The following ANO6 variants were observed in gnomAD, a reference collection of about 807,000 sequenced individuals.
ANO6 encodes anoctamin 6.
ANO6 carries 106 observed loss-of-function variants against 117.5 expected under a neutral mutation model. The ratio of observed to expected loss-of-function variants is 0.90; its 90% CI spans 0.77 to 1.06. ANO6 has a LOEUF of 1.06. Among genes scored for constraint, ANO6 ranks in the 50% least tolerant of loss-of-function variants. The probability of loss-of-function intolerance (pLI) is 0.00; values close to 1 mark genes in which losing one functional copy is unlikely to be tolerated. For synonymous variants in ANO6, 367 were observed against 385.1 expected, an observed-to-expected ratio of 0.95 and a Z score of 0.55; for missense variants, 955 against 1,121.1, an observed-to-expected ratio of 0.85 and a Z score of 2.12.
intron 2 of ANO6, among the ~76,000 whole-genome samples, chr12:45,308,610 C>T (rs1235028114): frequency 4.6e-5 from 7 of 152,176 alleles, no homozygotes; most frequent in Middle Eastern, 6.8e-3. Context: ...GTGTGTTTTT[C>T]CCATTCAAAT....
At chr12:45,242,494 T>C (rs1947761274) in intron 1 of ANO6, among the ~76,000 whole-genome samples, 1 of 152,198 alleles carries the variant, frequency 6.6e-6, no homozygotes, top group Non-Finnish European at 1.5e-5. Context: ...TTCCCTCGAC[T>C]AGGAAAGGGA....
At position 45,403,073 on chromosome 12, in the gene ANO6, A is replaced by T; in HGVS notation, c.1614A>T (p.Glu538Asp). 1 of 1,613,656 alleles carries T rather than the reference A, an allele frequency of 6.2e-7. No homozygotes were observed. Among genetic ancestry groups the T allele is most frequent in the Non-Finnish European group, 8.5e-7 (1 of 1,179,828 alleles). The change falls in exon 14 of 20, where the codon GAA (glutamate) becomes GAT (aspartate). Residue 538 changes from glutamate (E) to aspartate (D), a missense_variant and splice_region_variant. Coordinates refer to ENST00000320560, the MANE Select transcript of ANO6 (RefSeq NM_001025356.3). The stretch of plus-strand genomic sequence containing the variant: ...TATTTCTCTTTCTTTTAACTACAGA[A>T]CTCCCAAGGACCCAGACTGATTATG... ...EKVAIMITNF[E>D]LPRTQTDYEN...
Position 45,298,485 on chromosome 12 carries a change from A to C in ANO6, c.71-3529A>C, listed in dbSNP as rs561638177. Among the ~76,000 whole-genome samples the C allele has an allele frequency of 8.5e-5, 13 of 152,324 alleles. No homozygotes were observed. The South Asian group carries it at 2.7e-3, about 32-fold the overall frequency. On this transcript the variant is annotated intron_variant, in intron 1 of 19. Coordinates refer to ENST00000320560, the MANE Select transcript of ANO6 (RefSeq NM_001025356.3). ...TTAGATTACCATAAATGAGAATATC[A>C]AACAGTAACTAGAGCCCCTCAGTAG...
intron 15 of ANO6, among the ~76,000 whole-genome samples, chr12:45,405,673 G>T (rs1303005422): frequency 6.6e-6 from 1 of 152,170 alleles, no homozygotes; most frequent in Admixed American, 6.5e-5. Context: ...ACTTTGGGAG[G>T]CCAAGGTGGT....
chr12:45,383,770 C>G (rs1461738553), intron 10 of ANO6, among the ~76,000 whole-genome samples: 1 of 152,166 alleles, frequency 6.6e-6, no homozygotes, highest in Non-Finnish European at 1.5e-5. Flanking sequence ...CATCTAGGCT[C>G]TATTGTTCCA....
In ANO6 at chr12:45,430,217, A is replaced by G; in HGVS notation, c.*906A>G. On this transcript the variant is annotated 3_prime_UTR_variant, in exon 20 of 20. Transcript: ENST00000320560. The stretch of plus-strand genomic sequence containing the variant: ...TTTTATCAACATAATTGTCTGGAAA[A>G]GATAAGCCCCTCAATTTTCTACCAG... 2 of 985,452 alleles carry G rather than the reference A, an allele frequency of 2.0e-6. No individual in the cohort carries two copies. Among genetic ancestry groups the G allele is most frequent in the Non-Finnish European group, 2.4e-6 (2 of 829,930 alleles). The allele number at this position is 985,452 out of a possible 1,614,324, so 61.0% of individuals were successfully genotyped here.
intron 1 of ANO6, among the ~76,000 whole-genome samples, chr12:45,272,225 T>C (rs1428167002): frequency 6.6e-6 from 1 of 150,792 alleles, no homozygotes; most frequent in East Asian, 1.9e-4. Context: ...GCTATGTAGG[T>C]GAAAAATTTA....
At position 45,332,704 on chromosome 12, in the gene ANO6, T is replaced by C. The variant is rs553072197; in HGVS notation, c.279+1281T>C. 2.0e-5 allele frequency among the ~76,000 whole-genome samples: 3 copies of C among 152,198 alleles called. No individual in the cohort carries two copies. In the South Asian group the frequency reaches 6.2e-4, roughly 32 times the overall value. ...GGCACATAGTTTGGGGTTGGGCCTC[T>C]GTCCTTTGCAGTTATCAAGAAACCC... is the stretch of plus-strand genomic sequence containing the variant. On this transcript the variant is annotated intron_variant, in intron 3 of 19. Coordinates refer to ENST00000320560, the MANE Select transcript of ANO6 (RefSeq NM_001025356.3).
chr12:45,284,538 T>G (rs1002300567), intron 1 of ANO6, among the ~76,000 whole-genome samples: 2 of 152,168 alleles, frequency 1.3e-5, no homozygotes, highest in Non-Finnish European at 2.9e-5. Context: ...AAAAGGGGTG[T>G]TGTTTGCTGA....
At chr12:45,216,501 G>GT in intron 1 of ANO6, 110 bp downstream of exon 1, 3 of 1,233,018 alleles carry the variant, frequency 2.4e-6, no homozygotes, top group Non-Finnish European at 2.3e-6. Context: ...TGGCCGAGAC[G>GT]CTCGGCCGCT....
chr12:45,288,588 G>A (rs1231410533), intron 1 of ANO6, among the ~76,000 whole-genome samples: 2 of 152,230 alleles, frequency 1.3e-5, no homozygotes, highest in Admixed American at 6.5e-5. Context: ...CCTTTTTAAA[G>A]CTGAATAATA....
At chr12:45,232,277 A>G (rs1311134028) in intron 1 of ANO6, among the ~76,000 whole-genome samples, 1 of 152,236 alleles carries the variant, frequency 6.6e-6, no homozygotes, top group Admixed American at 6.5e-5. Context: ...CACCTTCTGT[A>G]TGTCAGGTGT....
chr12:45,397,223 A>C (rs1352157908), intron 12 of ANO6, among the ~76,000 whole-genome samples: 1 of 152,260 alleles, frequency 6.6e-6, no homozygotes, highest in Non-Finnish European at 1.5e-5. Flanking sequence ...CACAGCCAAC[A>C]GACACATGAA....
chr12:45,346,497 A>C (rs1913696), intron 3 of ANO6, among the ~76,000 whole-genome samples: 28,316 of 152,146 alleles, frequency 0.19, 3,283 homozygotes, highest in East Asian at 0.32. Context: ...GAAAAAAATT[A>C]TCTGAATTTT....
At chr12:45,388,545 G>A (rs971672588) in intron 11 of ANO6, among the ~76,000 whole-genome samples, 2 of 152,084 alleles carry the variant, frequency 1.3e-5, no homozygotes, top group Non-Finnish European at 2.9e-5. Flanking sequence ...GTAGACACAG[G>A]AGATAAATGG....
At chr12:45,329,588 A>G (rs1940593675) in intron 2 of ANO6, among the ~76,000 whole-genome samples, 1 of 152,112 alleles carries the variant, frequency 6.6e-6, no homozygotes, top group Admixed American at 6.6e-5. Context: ...CTAATTCTTC[A>G]GAACTTAACT....
intron 12 of ANO6, among the ~76,000 whole-genome samples, chr12:45,398,609 A>G (rs1339080710): frequency 6.6e-6 from 1 of 152,232 alleles, no homozygotes; most frequent in Non-Finnish European, 1.5e-5. Flanking sequence ...ATATATTTAT[A>G]TACACACATA....
intron 12 of ANO6, among the ~76,000 whole-genome samples, chr12:45,393,867 A>G (rs1942529070): frequency 1.3e-5 from 2 of 152,232 alleles, no homozygotes. Flanking sequence ...GAAAGGAACA[A>G]CCGGTACCAG....
Position 45,348,178 on chromosome 12 carries a change from A to G in ANO6, c.496A>G (p.Lys166Glu), listed in dbSNP as rs763000230. The change falls in exon 5 of 20, where the codon AAA becomes GAA. Residue 166 changes from lysine (K) to glutamate (E), a missense_variant. Transcript: ENST00000320560. ...CTTTGGTACACTCAACTGGTTTACCAAAGTCCTCAGTGTAGACGAAAGCAT... is the reference window on the plus strand; with the variant it reads ...CTTTGGTACACTCAACTGGTTTACCGAAGTCCTCAGTGTAGACGAAAGCAT... Reference protein sequence around the residue: ...SAFGTLNWFTKVLSVDESIIK... With the variant: ...SAFGTLNWFTEVLSVDESIIK... 1.9e-6 allele frequency: 3 copies of G among 1,614,108 alleles called. No individual in the cohort carries two copies. Among genetic ancestry groups the G allele is most frequent in the Non-Finnish European group, 2.5e-6 (3 of 1,180,000 alleles).
Sources: allele counts gnomAD v4.1 joint callset (sites outside exome capture counted in the v4.1 genomes callset), GRCh38; gene constraint gnomAD v4.1.1; transcripts MANE v1.5; gene names NCBI Gene and HGNC (gene_info 2026-07-23, HGNC 2026-07-21).